AGO4: variants seen among roughly 807,000 people sequenced by gnomAD.
AGO4 encodes the protein argonaute RISC component 4, also known as protein argonaute-4.
AGO4 carries 33 observed loss-of-function variants against 104.7 expected under a neutral mutation model. The ratio of observed to expected loss-of-function variants is 0.32; its 90% CI spans 0.24 to 0.42. The LOEUF (loss-of-function observed/expected upper bound fraction) is 0.42, where lower values mean the gene tolerates loss of function less well. Among genes scored for constraint, AGO4 ranks in the 10% least tolerant of loss-of-function variants. The pLI is 1.00. For synonymous variants in AGO4, 331 were observed against 364.7 expected, an observed-to-expected ratio of 0.91 and a Z score of 1.05; for missense variants, 711 against 1,083.4, an observed-to-expected ratio of 0.66 and a Z score of 4.83.
At chr1:35,842,057 TA>T (rs1330562685) in intron 15 of AGO4, among the ~76,000 whole-genome samples, 9 of 152,150 alleles carry the variant, frequency 5.9e-5, no homozygotes, top group African/African-American at 2.2e-4. Flanking sequence ...GGCAACCTTC[TA>T]AGGGGTGCTT....
chr1:35,826,981 C>T (rs1644037439), intron 7 of AGO4, 146 bp downstream of exon 7: 1 of 769,950 alleles, frequency 1.3e-6, no homozygotes, highest in African/African-American at 1.8e-5. Flanking sequence ...GTAGGTGGAT[C>T]ATGAGGTCAG....
At chr1:35,852,963 T>G (rs1229141846) in intron 17 of AGO4, among the ~76,000 whole-genome samples, 2 of 152,192 alleles carry the variant, frequency 1.3e-5, no homozygotes, top group Non-Finnish European at 2.9e-5. Flanking sequence ...TTAAAGAAGT[T>G]CAGTTGGCCT....
intron 5 of AGO4, 40 bp from the exon 6 acceptor site, chr1:35,825,886 C>T (rs768024900): frequency 1.2e-6 from 2 of 1,606,992 alleles, no homozygotes; most frequent in Non-Finnish European, 1.7e-6. Context: ...TTTGGCCCTT[C>T]CCTTTTCCCT....
chr1:35,823,252 ATTTT>A (rs1175171016), intron 3 of AGO4, among the ~76,000 whole-genome samples: 1 of 141,620 alleles, frequency 7.1e-6, no homozygotes. Flanking sequence ...ATTCTTAGAA[ATTTT>A]TTTTTTTTTT....
chr1:35,817,153 T>G, intron 2 of AGO4, 106 bp downstream of exon 2: 2 of 1,213,512 alleles, frequency 1.6e-6, no homozygotes, highest in Non-Finnish European at 2.2e-6. Flanking sequence ...TGTTATTCTC[T>G]AAGATGATAG....
intron 1 of AGO4, among the ~76,000 whole-genome samples, chr1:35,811,860 A>G (rs1312042326): frequency 6.6e-6 from 1 of 152,128 alleles, no homozygotes; most frequent in Non-Finnish European, 1.5e-5. Flanking sequence ...GGCCTCCCAA[A>G]GTACTGGAAT....
chr1:35,832,786 G>A (rs1644215899), intron 11 of AGO4, among the ~76,000 whole-genome samples: 1 of 152,154 alleles, frequency 6.6e-6, no homozygotes, highest in Middle Eastern at 3.2e-3. Context: ...GCAGAAATTT[G>A]TGAGTAACAA....
chr1:35,855,678 C>T lies in AGO4; in HGVS notation c.*2073C>T, dbSNP rs1644802537. ...TTTTTTTTTTTTTTTTTTGCAAATA[C>T]CTCACTTGGATAATACAAATCAGGA... is the stretch of plus-strand genomic sequence containing the variant. On this transcript the variant is annotated 3_prime_UTR_variant, in exon 18 of 18. Transcript: ENST00000373210. The T allele has an allele frequency of 7.1e-6, 1 of 140,780 alleles. No individual in the cohort carries two copies. Among genetic ancestry groups the T allele is most frequent in the South Asian group, 2.3e-4 (1 of 4,286 alleles). The allele number at this position is 140,780 out of a possible 1,614,324, so 8.7% of individuals were successfully genotyped here. A position where few individuals can be genotyped will look rare whatever the true frequency, so the allele number is the denominator to read the frequency against.
chr1:35,853,581 C>G lies in AGO4; in HGVS notation c.2562C>G (p.Thr854=). The change falls in exon 18 of 18, where the codon ACC becomes ACG. Residue 854 remains threonine, a synonymous_variant. Transcript: ENST00000373210. ...AGGCTGTGCAAATCCACCATGATACCCAGCACACGATGTATTTTGCCTGAG... is the reference window on the plus strand; with the variant it reads ...AGGCTGTGCAAATCCACCATGATACGCAGCACACGATGTATTTTGCCTGAG... ...LAKAVQIHHD[T]QHTMYFA is the part of the protein sequence containing the mutation. 2 of 1,613,856 alleles carry G rather than the reference C, an allele frequency of 1.2e-6. No homozygotes were observed. The highest frequency in any genetic ancestry group is 1.7e-6 in the Non-Finnish European group (2 of 1,179,890).
At chr1:35,825,525 A>G (rs1643997656) in intron 4 of AGO4, 31 bp downstream of exon 4, 1 of 1,596,224 alleles carries the variant, frequency 6.3e-7, no homozygotes, top group Non-Finnish European at 8.5e-7. Context: ...TATTTCCTAC[A>G]AATGTCAGAC....
intron 2 of AGO4, 54 bp from the exon 3 acceptor site, chr1:35,822,805 TTTC>T: frequency 1.2e-6 from 2 of 1,603,238 alleles, no homozygotes; most frequent in Non-Finnish European, 1.7e-6. Flanking sequence ...TGATGATGCT[TTTC>T]TTACTGTTCA....
intron 12 of AGO4, among the ~76,000 whole-genome samples, chr1:35,834,852 C>T (rs1557568974): frequency 6.6e-6 from 1 of 152,108 alleles, no homozygotes; most frequent in East Asian, 1.9e-4. Context: ...CCCACAACCA[C>T]GCCCAGCTAA....
chr1:35,846,454 G>A (rs1306223382), intron 15 of AGO4, among the ~76,000 whole-genome samples: 3 of 151,858 alleles, frequency 2.0e-5, no homozygotes, highest in Non-Finnish European at 4.4e-5. Context: ...AAAATTAGCC[G>A]GATGTGGTGG....
At chr1:35,807,662 G>T (rs1284275126), upstream of AGO4, among the ~76,000 whole-genome samples, 1 of 152,198 alleles carries the variant, frequency 6.6e-6, no homozygotes, top group Non-Finnish European at 1.5e-5. Flanking sequence ...ATACGGAGAG[G>T]GACGCGCAGT....
chr1:35,810,474 T>C (rs749434338), intron 1 of AGO4, among the ~76,000 whole-genome samples: 53 of 152,184 alleles, frequency 3.5e-4, no homozygotes, highest in Non-Finnish European at 6.3e-4. Context: ...CCTAGTTCAG[T>C]TTCTGCCAAT....
chr1:35,845,850 G>C (rs906727641), intron 15 of AGO4, among the ~76,000 whole-genome samples: 1 of 152,170 alleles, frequency 6.6e-6, no homozygotes, highest in African/African-American at 2.4e-5. Flanking sequence ...CATTCATTGT[G>C]GCTCTGCTGC....
chr1:35,812,895 T>C (rs1643555891), intron 1 of AGO4, among the ~76,000 whole-genome samples: 1 of 152,026 alleles, frequency 6.6e-6, no homozygotes, highest in Non-Finnish European at 1.5e-5. Flanking sequence ...CCTGGCCTCT[T>C]ACAACTTTAT....
In AGO4 at chr1:35,850,242, G is replaced by A; in HGVS notation, c.2261G>A (p.Ser754Asn). 1.2e-6 allele frequency: 2 copies of A among 1,613,408 alleles called. No individual in the cohort carries two copies. The highest frequency in any genetic ancestry group is 1.7e-6 in the Non-Finnish European group (2 of 1,179,322). The change falls in exon 16 of 18, where the codon AGT becomes AAT. Residue 754 changes from serine to asparagine, a missense_variant. By Grantham distance (46) the Ser-to-Asn change is conservative. Transcript: ENST00000373210. Reference sequence around the variant, plus strand: ...TCTGAGTTTGACTTTTACCTCTGTAGTCATGCAGGAATTCAGGTAATTTGG... The same window carrying A: ...TCTGAGTTTGACTTTTACCTCTGTAATCATGCAGGAATTCAGGTAATTTGG... Reference protein sequence around the residue: ...HPSEFDFYLCSHAGIQGTSRP... With the variant: ...HPSEFDFYLCNHAGIQGTSRP...
intron 17 of AGO4, 131 bp downstream of exon 17, chr1:35,851,184 A>T: frequency 2.2e-6 from 2 of 897,256 alleles, no homozygotes; most frequent in Non-Finnish European, 3.3e-6. Context: ...ATAAAATTGC[A>T]TGTGCCTCTG....
Sources: allele counts gnomAD v4.1 joint callset (sites outside exome capture counted in the v4.1 genomes callset), GRCh38; gene constraint gnomAD v4.1.1; transcripts MANE v1.5; gene names NCBI Gene and HGNC (gene_info 2026-07-23, HGNC 2026-07-21).